The following TUBGCP5 variants were observed in gnomAD, a reference collection of about 807,000 sequenced individuals.
The protein encoded by TUBGCP5 is gamma-tubulin complex component 5.
Under a neutral mutation model 134.7 loss-of-function variants are expected in TUBGCP5, and 98 were observed. That is an observed-to-expected ratio of 0.73 (90% confidence interval 0.62 to 0.86). TUBGCP5 has a LOEUF of 0.86. Ranked by LOEUF, TUBGCP5 falls within the 40% of genes least tolerant of loss-of-function variation. The probability of loss-of-function intolerance (pLI) is 0.00; values close to 1 mark genes in which losing one functional copy is unlikely to be tolerated. For missense variants in TUBGCP5, 1,150 were observed against 1,244.8 expected, an observed-to-expected ratio of 0.92 and a Z score of 1.15; for synonymous variants, 456 against 431.4, an observed-to-expected ratio of 1.06 and a Z score of -0.71.
chr15:23,021,023 G>C lies in TUBGCP5; in HGVS notation c.1371+936C>G, dbSNP rs146738441. Reference sequence around the variant, plus strand: ...CCTGCCTCAGCCTCCTGAGTAGCTGGGATGACAGGTGTTCGCCACCACACT... The same window carrying C: ...CCTGCCTCAGCCTCCTGAGTAGCTGCGATGACAGGTGTTCGCCACCACACT... On this transcript the variant is annotated intron_variant, in intron 11 of 22. Transcript: ENST00000615383. Among the ~76,000 whole-genome samples, 366 of 152,286 alleles carry C rather than the reference G, an allele frequency of 2.4e-3. 1 individual carries two copies. Among genetic ancestry groups the C allele is most frequent in the Non-Finnish European group, 4.2e-3 (284 of 68,024 alleles).
At chr15:23,006,870 T>G (rs2064744859) in intron 16 of TUBGCP5, among the ~76,000 whole-genome samples, 1 of 152,178 alleles carries the variant, frequency 6.6e-6, no homozygotes, top group Admixed American at 6.5e-5. Context: ...GCATCTAACA[T>G]GGACATGAAA....
At chr15:22,990,455 G>A (rs150971941) in intron 23 of TUBGCP5, among the ~76,000 whole-genome samples, 73 of 152,288 alleles carry the variant, frequency 4.8e-4, no homozygotes, top group African/African-American at 1.7e-3. Context: ...ACCACTACAG[G>A]AAAAGCACAG....
At chr15:23,016,571 G>C (rs12591356) in intron 13 of TUBGCP5, among the ~76,000 whole-genome samples, 13,121 of 150,216 alleles carry the variant, frequency 0.087, 1,024 homozygotes, top group East Asian at 0.45. Flanking sequence ...CCAAGAAATA[G>C]ATGAAAAAAT....
At chr15:23,011,863 C>G (rs2065052194) in intron 13 of TUBGCP5, among the ~76,000 whole-genome samples, 1 of 150,232 alleles carries the variant, frequency 6.7e-6, no homozygotes, top group South Asian at 2.1e-4. Flanking sequence ...TGCCTGTAAT[C>G]CCAGCACTTT....
At chr15:22,990,138 A>C (rs1457653393) in intron 23 of TUBGCP5, among the ~76,000 whole-genome samples, 1 of 152,096 alleles carries the variant, frequency 6.6e-6, no homozygotes, top group Admixed American at 6.5e-5. Flanking sequence ...TGCAGTCCAC[A>C]TGGCTTCTAG....
intron 13 of TUBGCP5, among the ~76,000 whole-genome samples, chr15:23,016,259 A>G (rs968494763): frequency 1.7e-4 from 26 of 152,210 alleles, no homozygotes; most frequent in African/African-American, 6.0e-4. Context: ...CTGGGAGGCC[A>G]AGGCGGGCAG....
chr15:23,025,648 T>C, intron 8 of TUBGCP5, among the ~76,000 whole-genome samples: 1 of 152,126 alleles, frequency 6.6e-6, no homozygotes, highest in South Asian at 2.1e-4. Context: ...CTGGCTAACA[T>C]GGTGAAACCC....
chr15:23,021,251 G>A (rs1003731496), intron 11 of TUBGCP5, among the ~76,000 whole-genome samples: 23 of 152,148 alleles, frequency 1.5e-4, no homozygotes, highest in African/African-American at 3.6e-4. Context: ...GACTACAGGC[G>A]TGAGCCACTA....
intron 12 of TUBGCP5, 54 bp downstream of exon 12, chr15:23,019,165 G>T: frequency 7.9e-7 from 1 of 1,260,562 alleles, no homozygotes; most frequent in Non-Finnish European, 1.1e-6. Flanking sequence ...ATTTTCATGG[G>T]GAGGAAACTG....
chr15:23,014,119 C>T (rs773544730), intron 13 of TUBGCP5, among the ~76,000 whole-genome samples: 9 of 152,242 alleles, frequency 5.9e-5, no homozygotes, highest in Non-Finnish European at 8.8e-5. Context: ...AGGGTGGGAA[C>T]AGACCCCTGA....
chr15:23,021,204 C>T (rs1310671418), intron 11 of TUBGCP5, among the ~76,000 whole-genome samples: 2 of 152,082 alleles, frequency 1.3e-5, no homozygotes, highest in Non-Finnish European at 2.9e-5. Context: ...TTCCTGGGCT[C>T]AAGTGATCCT....
intron 4 of TUBGCP5, 56 bp from the exon 5 acceptor site, chr15:23,032,085 A>G (rs188877510): frequency 1.5e-6 from 2 of 1,357,988 alleles, no homozygotes; most frequent in Admixed American, 4.1e-5. Context: ...TTGAAAAAAA[A>G]CCTCAAAACT....
chr15:22,999,666 G>T lies in TUBGCP5; in HGVS notation c.*154C>A. ...TCTGCCTGTCTTGGCCTCCCATCGT[G>T]CTGGGATTAGAGGCATGAGCGACTG... On this transcript the variant is annotated 3_prime_UTR_variant, in exon 23 of 23. Coordinates refer to ENST00000615383, the MANE Select transcript of TUBGCP5 (RefSeq NM_052903.6). 1 of 777,650 alleles carries T rather than the reference G, an allele frequency of 1.3e-6. No homozygotes were observed. Among genetic ancestry groups the T allele is most frequent in the Non-Finnish European group, 2.1e-6 (1 of 480,930 alleles). 48.2% of individuals were successfully genotyped at this position (777,650 alleles called of 1,614,324 possible). A position where few individuals can be genotyped will look rare whatever the true frequency, so the allele number is the denominator to read the frequency against.
chr15:23,014,679 G>A lies in TUBGCP5; in HGVS notation c.1756+3094C>T, dbSNP rs2065217188. ...AAGAGCCCCTTGAACTGTGCAGGCA[G>A]ACATGCACCCAGGCTAGCAAAGCAG... On this transcript the variant is annotated intron_variant, in intron 13 of 22. Coordinates refer to ENST00000615383, the MANE Select transcript of TUBGCP5 (RefSeq NM_052903.6). 2.6e-5 allele frequency among the ~76,000 whole-genome samples: 4 copies of A among 152,122 alleles called. No individual in the cohort carries two copies. In the South Asian group the frequency reaches 8.3e-4, roughly 32 times the overall value.
rs2064312252 is a variant in TUBGCP5, at chr15:23,000,565, T to G, written c.3028+4A>C. The G allele has an allele frequency of 5.6e-6, 9 of 1,611,764 alleles. No individual in the cohort carries two copies. The highest frequency in any genetic ancestry group is 7.6e-6 in the Non-Finnish European group (9 of 1,178,964). ...GTAGAAATATTTTAACATGATATAC[T>G]CACAATGGGGAAAGGATCCTCTACA... On this transcript the variant is annotated splice_donor_region_variant and intron_variant, in intron 22 of 22. Coordinates refer to ENST00000615383, the MANE Select transcript of TUBGCP5 (RefSeq NM_052903.6).
chr15:23,038,787 G>T (rs1430867428), intron 1 of TUBGCP5, among the ~76,000 whole-genome samples: 1 of 152,102 alleles, frequency 6.6e-6, no homozygotes, highest in Non-Finnish European at 1.5e-5. Flanking sequence ...TCTAAATTCT[G>T]TAAGTCTTTA....
intron 11 of TUBGCP5, among the ~76,000 whole-genome samples, chr15:23,021,161 G>A (rs898230915): frequency 6.6e-6 from 1 of 152,120 alleles, no homozygotes. Flanking sequence ...TGTAGAGACA[G>A]GGTCTCAGTA....
In TUBGCP5 at chr15:23,027,899, G is replaced by A. The variant is rs377707529; in HGVS notation, c.623-593C>T. Among the ~76,000 whole-genome samples the A allele has an allele frequency of 4.0e-3, 611 of 151,860 alleles. 5 individuals are homozygous for A. Among genetic ancestry groups the A allele is most frequent in the South Asian group, 0.022 (105 of 4,802 alleles). The stretch of plus-strand genomic sequence containing the variant: ...TGTTAATTGTCCAGTAACCATTAAG[G>A]AAACTGAAATGGTAACTGAAGACCT... On this transcript the variant is annotated intron_variant, in intron 6 of 22. Coordinates refer to ENST00000615383, the MANE Select transcript of TUBGCP5 (RefSeq NM_052903.6).
intron 13 of TUBGCP5, among the ~76,000 whole-genome samples, chr15:23,015,574 A>T (rs1278604572): frequency 6.6e-6 from 1 of 152,016 alleles, no homozygotes; most frequent in Non-Finnish European, 1.5e-5. Flanking sequence ...CCCAGGAGGC[A>T]GAGTTTGCAG....
Sources: gnomAD v4.1 joint callset for allele counts (sites outside exome capture counted in the v4.1 genomes callset) on GRCh38, gnomAD v4.1.1 for gene constraint, MANE v1.5 for transcripts, NCBI Gene and HGNC (gene_info 2026-07-23, HGNC 2026-07-21) for gene names.